The following WDR70 variants were observed in gnomAD, a reference collection of about 807,000 sequenced individuals.
The protein encoded by WDR70 is WD repeat domain 70, also known as WD repeat-containing protein 70.
A neutral mutation model predicts 88.6 loss-of-function variants in WDR70; 53 were observed. That is an observed-to-expected ratio of 0.60 (90% CI 0.48 to 0.75). The LOEUF is 0.75. Among genes scored for constraint, WDR70 ranks in the 30% least tolerant of loss-of-function variants. The pLI is 0.00. For missense variants in WDR70, 610 were observed against 823.2 expected (o/e 0.74, Z 3.17); for synonymous variants, 280 against 270.0 (o/e 1.04, Z -0.36).
Position 37,650,540 on chromosome 5 carries a change from TGGGAGATGCTTTGGAA to T in WDR70, c.1092+45304_1092+45319del, listed in dbSNP as rs1385395061. 1.4e-4 allele frequency among the ~76,000 whole-genome samples: 22 copies of T among 152,292 alleles called. 2 individuals are homozygous for T. The highest frequency in any genetic ancestry group is 4.3e-4 in the African/African-American group (18 of 41,566). On this transcript the variant is annotated intron_variant, in intron 10 of 17. Transcript: ENST00000265107. ...TAATGAAAAAATAGGAAGTCAAGAC[TGGGAGATGCTTTGGAA>T]GTAAAAATGTATGCGTTTAGCTCTA...
At chr5:37,491,107 A>G (rs1740055577) in intron 8 of WDR70, among the ~76,000 whole-genome samples, 1 of 152,082 alleles carries the variant, frequency 6.6e-6, no homozygotes, top group East Asian at 1.9e-4. Context: ...GGACTGTGCT[A>G]TGGCTAGGAT....
intron 13 of WDR70, among the ~76,000 whole-genome samples, chr5:37,716,735 A>G (rs1160713248): frequency 1.3e-5 from 2 of 152,154 alleles, no homozygotes; most frequent in African/African-American, 4.8e-5. Context: ...ACCATGTCCT[A>G]AAATGTAAAT....
At chr5:37,662,244 C>T (rs2112578030) in intron 10 of WDR70, among the ~76,000 whole-genome samples, 1 of 152,280 alleles carries the variant, frequency 6.6e-6, no homozygotes, top group Admixed American at 6.5e-5. Context: ...CAGTGTTTTC[C>T]CTTTAAAACT....
intron 10 of WDR70, among the ~76,000 whole-genome samples, chr5:37,652,189 A>G (rs1581466875): frequency 6.6e-6 from 1 of 152,332 alleles, no homozygotes; most frequent in Middle Eastern, 3.4e-3. Context: ...CATTTATTAC[A>G]TAGGGAATCC....
intron 5 of WDR70, among the ~76,000 whole-genome samples, chr5:37,401,101 T>C (rs1228068701): frequency 6.6e-6 from 1 of 150,592 alleles, no homozygotes. Context: ...TGGGCTTAAG[T>C]GATCCTCCCA....
intron 10 of WDR70, among the ~76,000 whole-genome samples, chr5:37,611,781 C>CTTT (rs66689730): frequency 1.6e-5 from 2 of 126,872 alleles, no homozygotes; most frequent in Non-Finnish European, 3.5e-5. Flanking sequence ...TGATTTCAGC[C>CTTT]TTTTTTTTTT....
Position 37,690,172 on chromosome 5 carries a change from A to G in WDR70, c.1093-7483A>G, listed in dbSNP as rs568745284. Among the ~76,000 whole-genome samples, 304 of 152,330 alleles carry G rather than the reference A, an allele frequency of 2.0e-3. 1 individual carries two copies. The highest frequency in any genetic ancestry group is 6.9e-3 in the African/African-American group (286 of 41,572). On this transcript the variant is annotated intron_variant, in intron 10 of 17. Coordinates refer to ENST00000265107, the MANE Select transcript of WDR70 (RefSeq NM_018034.4). ...AGACAAGGTTAGAGAAAAAAGAGTA[A>G]AAAGAAATGAACAAATCCTCCAAGA...
At chr5:37,472,617 C>T (rs1368936108) in intron 7 of WDR70, among the ~76,000 whole-genome samples, 1 of 151,998 alleles carries the variant, frequency 6.6e-6, no homozygotes, top group Non-Finnish European at 1.5e-5. Context: ...GCCTCAGCCT[C>T]CCTAGTAGCT....
chr5:37,738,797 A>G (rs962429291), intron 17 of WDR70, among the ~76,000 whole-genome samples: 2 of 152,230 alleles, frequency 1.3e-5, no homozygotes, highest in African/African-American at 4.8e-5. Flanking sequence ...AAAAAGTATC[A>G]AGGGGAAATT....
chr5:37,517,450 C>T (rs1362159191), intron 9 of WDR70, among the ~76,000 whole-genome samples: 1 of 151,820 alleles, frequency 6.6e-6, no homozygotes, highest in Non-Finnish European at 1.5e-5. Flanking sequence ...TCACTGCAGC[C>T]TCCACCTCCT....
chr5:37,408,455 CAG>C (rs1205352986), intron 5 of WDR70, among the ~76,000 whole-genome samples: 1 of 151,978 alleles, frequency 6.6e-6, no homozygotes, highest in Non-Finnish European at 1.5e-5. Context: ...GCTTGGGAGA[CAG>C]AGCGAGACAC....
intron 9 of WDR70, among the ~76,000 whole-genome samples, chr5:37,520,653 C>T (rs946688482): frequency 4.6e-5 from 7 of 152,094 alleles, no homozygotes; most frequent in African/African-American, 1.7e-4. Context: ...CAGTATACTT[C>T]ATTGCTGAAT....
chr5:37,528,129 G>A (rs891965288), intron 9 of WDR70, among the ~76,000 whole-genome samples: 1 of 152,166 alleles, frequency 6.6e-6, no homozygotes, highest in Non-Finnish European at 1.5e-5. Context: ...CCATTACTGG[G>A]TATATACCCA....
At chr5:37,557,676 A>G (rs1742332865) in intron 9 of WDR70, among the ~76,000 whole-genome samples, 1 of 152,018 alleles carries the variant, frequency 6.6e-6, no homozygotes, top group South Asian at 2.1e-4. Context: ...TAGCAGAGTC[A>G]GTGCTGAGTT....
intron 10 of WDR70, among the ~76,000 whole-genome samples, chr5:37,678,982 T>A (rs1263432210): frequency 1.3e-5 from 2 of 152,374 alleles, no homozygotes; most frequent in South Asian, 4.1e-4. Flanking sequence ...TTCATTCATT[T>A]CATCTTCCAT....
chr5:37,713,814 G>T (rs1388690206), intron 13 of WDR70, among the ~76,000 whole-genome samples: 2 of 152,206 alleles, frequency 1.3e-5, no homozygotes, highest in African/African-American at 4.8e-5. Flanking sequence ...GATGGACCAA[G>T]TGAAGGACTT....
At chr5:37,587,378 C>T (rs2112438928) in intron 9 of WDR70, among the ~76,000 whole-genome samples, 1 of 151,952 alleles carries the variant, frequency 6.6e-6, no homozygotes, top group South Asian at 2.1e-4. Context: ...ATTTTAAGCC[C>T]CCTCCTCTTT....
intron 9 of WDR70, among the ~76,000 whole-genome samples, chr5:37,568,934 T>C (rs1581401709): frequency 6.6e-6 from 1 of 152,148 alleles, no homozygotes; most frequent in South Asian, 2.1e-4. Flanking sequence ...TCTCTGCTCA[T>C]GGAGCACCCT....
intron 9 of WDR70, among the ~76,000 whole-genome samples, chr5:37,527,989 G>T (rs1386422750): frequency 1.3e-5 from 2 of 152,176 alleles, no homozygotes; most frequent in African/African-American, 4.8e-5. Flanking sequence ...ATGGGTGCTG[G>T]AGAGGATGTG....
Sources: gnomAD v4.1 joint callset for allele counts (sites outside exome capture counted in the v4.1 genomes callset) on GRCh38, gnomAD v4.1.1 for gene constraint, MANE v1.5 for transcripts, NCBI Gene and HGNC (gene_info 2026-07-23, HGNC 2026-07-21) for gene names.